Variants in PDLIM5 observed in about 807,000 individuals in gnomAD.
PDLIM5 encodes the protein PDZ and LIM domain 5, also known as PDZ and LIM domain protein 5.
A neutral mutation model predicts 64.2 loss-of-function variants in PDLIM5; 34 were observed. That is an observed-to-expected ratio of 0.53 (90% CI 0.40 to 0.71). PDLIM5 has a LOEUF of 0.71. Ranked by LOEUF, PDLIM5 falls within the 30% of genes least tolerant of loss-of-function variation. The probability of loss-of-function intolerance (pLI) is 0.00; values close to 1 mark genes in which losing one functional copy is unlikely to be tolerated. For missense variants in PDLIM5, 683 were observed against 733.6 expected (o/e 0.93, Z 0.80); for synonymous variants, 253 against 269.1 (o/e 0.94, Z 0.59).
Position 94,664,022 on chromosome 4 carries a change from G to A in PDLIM5, c.1746G>A (p.Lys582=), listed in dbSNP as rs780092822. The A allele has an allele frequency of 1.9e-6, 3 of 1,608,752 alleles. No homozygotes were observed. The highest frequency in any genetic ancestry group is 2.6e-6 in the Non-Finnish European group (3 of 1,176,420). ...AAGGTCAGACCTTTTTCTCCAAGAA[G>A]GACAAGCCCCTGTGTAAGAAACATG... The part of the protein sequence containing the change: ...SLEGQTFFSK[K]DKPLCKKHAH... Residue 582 remains lysine (K), a synonymous_variant, in exon 13 of 13, where the codon AAG becomes AAA. Coordinates refer to ENST00000317968, the MANE Select transcript of PDLIM5 (RefSeq NM_006457.5).
chr4:94,598,919 A>G (rs1014679910), intron 7 of PDLIM5, among the ~76,000 whole-genome samples: 3 of 152,090 alleles, frequency 2.0e-5, no homozygotes, highest in Non-Finnish European at 4.4e-5. Flanking sequence ...CAGCAAATGC[A>G]GAGTCCCTGA....
At chr4:94,472,687 C>G (rs1042846047) in intron 2 of PDLIM5, among the ~76,000 whole-genome samples, 5 of 152,078 alleles carry the variant, frequency 3.3e-5, no homozygotes, top group African/African-American at 1.2e-4. Context: ...GAGTGCCTCC[C>G]TAAATGCGGC....
chr4:94,582,682 C>G (rs1488542368), intron 5 of PDLIM5: 3 of 1,501,458 alleles, frequency 2.0e-6, no homozygotes, highest in Admixed American at 1.7e-5. Context: ...TCTACTCTAT[C>G]GCATCTTTTT....
At chr4:94,465,159 T>C (rs1724238550) in intron 2 of PDLIM5, among the ~76,000 whole-genome samples, 1 of 152,192 alleles carries the variant, frequency 6.6e-6, no homozygotes, top group South Asian at 2.1e-4. Context: ...ATTCTTATCA[T>C]CCCTAAAGCC....
At chr4:94,460,394 A>G (rs1040875104) in intron 2 of PDLIM5, among the ~76,000 whole-genome samples, 1 of 152,220 alleles carries the variant, frequency 6.6e-6, no homozygotes, top group African/African-American at 2.4e-5. Context: ...AAAGTTATTC[A>G]GAGAAATGTT....
intron 2 of PDLIM5, among the ~76,000 whole-genome samples, chr4:94,458,010 AATG>A (rs1171096286): frequency 6.6e-6 from 1 of 152,130 alleles, no homozygotes; most frequent in Non-Finnish European, 1.5e-5. Context: ...GAGAGAAGGG[AATG>A]TTGGCTCAAT....
intron 2 of PDLIM5, among the ~76,000 whole-genome samples, chr4:94,495,927 T>C (rs949416233): frequency 6.6e-6 from 1 of 152,124 alleles, no homozygotes; most frequent in Non-Finnish European, 1.5e-5. Context: ...AACTTAAGGA[T>C]TTTTATATGT....
intron 2 of PDLIM5, among the ~76,000 whole-genome samples, chr4:94,510,544 GT>G (rs1728777816): frequency 6.6e-6 from 1 of 151,976 alleles, no homozygotes; most frequent in African/African-American, 2.4e-5. Context: ...GTAATTTTCA[GT>G]TTTACTTCTG....
At chr4:94,530,683 TGA>T (rs1334181982) in intron 3 of PDLIM5, among the ~76,000 whole-genome samples, 3 of 152,074 alleles carry the variant, frequency 2.0e-5, no homozygotes, top group Non-Finnish European at 4.4e-5. Context: ...CTAGAAGAAT[TGA>T]GTTTTGAAAA....
chr4:94,553,758 T>TA (rs1400749108), intron 3 of PDLIM5, among the ~76,000 whole-genome samples: 3 of 152,226 alleles, frequency 2.0e-5, no homozygotes, highest in Non-Finnish European at 4.4e-5. Context: ...CTCCATGTGT[T>TA]ATGTTTACCA....
chr4:94,498,500 T>C (rs576364182), intron 2 of PDLIM5, among the ~76,000 whole-genome samples: 2 of 152,326 alleles, frequency 1.3e-5, no homozygotes, highest in South Asian at 4.1e-4. Flanking sequence ...TACCTTGCAT[T>C]AAAGAAGTAG....
At chr4:94,655,139 AGT>A (rs1265299101) in intron 10 of PDLIM5, among the ~76,000 whole-genome samples, 1 of 152,204 alleles carries the variant, frequency 6.6e-6, no homozygotes, top group African/African-American at 2.4e-5. Flanking sequence ...GAATACATAC[AGT>A]GTTTAAAAAT....
In PDLIM5 at chr4:94,640,184, T is replaced by A. The variant is rs1740886785; in HGVS notation, c.1109-92T>A. The A allele has an allele frequency of 1.1e-5, 7 of 618,044 alleles. No homozygotes were observed. In the South Asian group the frequency reaches 1.7e-4, roughly 15 times the overall value. The allele number at this position is 618,044 out of a possible 1,614,324, so 38.3% of individuals were successfully genotyped here. ...GTGAGTGAATAACAAGTGAATAGAT[T>A]ACTGTTAAAATAATAATTTTTATTA... On this transcript the variant is annotated intron_variant, in intron 8 of 12. Transcript: ENST00000317968.
chr4:94,572,284 C>T (rs1290805901), intron 3 of PDLIM5, among the ~76,000 whole-genome samples: 4 of 152,144 alleles, frequency 2.6e-5, no homozygotes, highest in African/African-American at 9.7e-5. Flanking sequence ...GCATATTAAA[C>T]ATAACATATA....
At chr4:94,477,464 C>G (rs892167742) in intron 2 of PDLIM5, among the ~76,000 whole-genome samples, 2 of 152,214 alleles carry the variant, frequency 1.3e-5, no homozygotes, top group East Asian at 3.9e-4. Flanking sequence ...TGAAAGTGAC[C>G]TGTGTTATCT....
chr4:94,484,884 A>T (rs1726172811), intron 2 of PDLIM5, among the ~76,000 whole-genome samples: 1 of 152,228 alleles, frequency 6.6e-6, no homozygotes, highest in African/African-American at 2.4e-5. Flanking sequence ...GATATTATAT[A>T]CAGAACAAGA....
intron 8 of PDLIM5, among the ~76,000 whole-genome samples, chr4:94,624,117 C>G (rs1265433548): frequency 6.6e-6 from 1 of 151,496 alleles, no homozygotes; most frequent in South Asian, 2.1e-4. Flanking sequence ...TGAGACCAGC[C>G]TGGGCAACAT....
intron 3 of PDLIM5, among the ~76,000 whole-genome samples, chr4:94,533,353 C>G (rs1731057300): frequency 6.6e-6 from 1 of 152,130 alleles, no homozygotes; most frequent in Non-Finnish European, 1.5e-5. Context: ...TTACTTCAAT[C>G]TATACTCCTT....
intron 7 of PDLIM5, among the ~76,000 whole-genome samples, chr4:94,602,057 A>G (rs1737545309): frequency 6.6e-6 from 1 of 152,220 alleles, no homozygotes. Flanking sequence ...CTGCTTAGCA[A>G]TATTATTACA....
Sources: gnomAD v4.1 joint callset for allele counts (sites outside exome capture counted in the v4.1 genomes callset) on GRCh38, gnomAD v4.1.1 for gene constraint, MANE v1.5 for transcripts, NCBI Gene and HGNC (gene_info 2026-07-23, HGNC 2026-07-21) for gene names.